ARHGEF10L: variants seen among roughly 807,000 people sequenced by gnomAD.
ARHGEF10L encodes the protein rho guanine nucleotide exchange factor 10-like protein.
In ARHGEF10L, 69 loss-of-function variants were observed where a neutral mutation model predicts 141.2. The observed-to-expected ratio is 0.49, with a 90% CI of 0.40 to 0.60. The LOEUF is 0.60. Ranked by LOEUF, ARHGEF10L falls within the 20% of genes least tolerant of loss-of-function variation. The pLI is 0.00. For missense variants in ARHGEF10L, 1,482 were observed against 1,734.3 expected, an observed-to-expected ratio of 0.85 and a Z score of 2.58; for synonymous variants, 711 against 718.5, an observed-to-expected ratio of 0.99 and a Z score of 0.17.
At chr1:17,589,045 T>C (rs2079307813) in intron 4 of ARHGEF10L, among the ~76,000 whole-genome samples, 1 of 152,108 alleles carries the variant, frequency 6.6e-6, no homozygotes. Context: ...TGGGAGCCTG[T>C]CAGAGGCAGT....
chr1:17,586,509 T>A (rs898689094), intron 2 of ARHGEF10L, among the ~76,000 whole-genome samples: 6 of 151,290 alleles, frequency 4.0e-5, no homozygotes, highest in Admixed American at 6.6e-5. Context: ...GCCCAGAGTT[T>A]AGGAAGGAAG....
rs2061255841 is a variant in ARHGEF10L, at chr1:17,640,300, T to G, written c.2270T>G (p.Leu757Arg). 1 of 1,610,298 alleles carries G rather than the reference T, an allele frequency of 6.2e-7. No homozygotes were observed. Among genetic ancestry groups the G allele is most frequent in the African/African-American group, 1.3e-5 (1 of 74,978 alleles). The change falls in exon 21 of 29, where the codon CTC becomes CGC. Residue 757 changes from leucine to arginine, a missense_variant and splice_region_variant. Coordinates refer to ENST00000361221, the MANE Select transcript of ARHGEF10L (RefSeq NM_018125.4). ...AGGTTACATTTGGCCAAAATCGGAC[T>G]CCGTGAGTATAGCCCCAGGGAGAGT... ...VNRLHLAKIGLREENQPGWLC... is the reference protein window; with the variant it reads ...VNRLHLAKIGRREENQPGWLC...
intron 18 of ARHGEF10L, among the ~76,000 whole-genome samples, chr1:17,635,444 C>T (rs1020274427): frequency 1.3e-5 from 2 of 152,206 alleles, no homozygotes; most frequent in African/African-American, 4.8e-5. Flanking sequence ...GGTGTACCAC[C>T]TGCCTCACTC....
At chr1:17,611,533 T>TATCCATCCATCCATCCATCC (rs56751222) in intron 7 of ARHGEF10L, among the ~76,000 whole-genome samples, 4 of 150,772 alleles carry the variant, frequency 2.7e-5, no homozygotes, top group East Asian at 2.0e-4. Flanking sequence ...TCTGTCTGTA[T>TATCCATCCATCCATCCATCC]ATCCATCCAT....
Position 17,644,904 on chromosome 1 carries a change from G to A in ARHGEF10L, c.2273-3650G>A, listed in dbSNP as rs749479370. ...GTGCTCACAACTCCAGATGGTTGGC[G>A]TTCCTTCCCCCATTTTCTACATGAG... is the stretch of plus-strand genomic sequence containing the variant. On this transcript the variant is annotated intron_variant, in intron 21 of 28. Coordinates refer to ENST00000361221, the MANE Select transcript of ARHGEF10L (RefSeq NM_018125.4). This position sits in a 1 kb window ranked among gnomAD's most constrained non-coding sequence, Gnocchi z 4.5. 1.3e-5 allele frequency among the ~76,000 whole-genome samples: 2 copies of A among 152,172 alleles called. No individual in the cohort carries two copies. The highest frequency in any genetic ancestry group is 2.4e-5 in the African/African-American group (1 of 41,440).
intron 28 of ARHGEF10L, among the ~76,000 whole-genome samples, 182 bp downstream of exon 28, chr1:17,695,462 C>T (rs2065429162): frequency 6.6e-6 from 1 of 152,226 alleles, no homozygotes. Context: ...CCCCAGTCTC[C>T]CACCTTTCTG....
rs568458103 is a variant in ARHGEF10L at position 17,592,315 on chromosome 1, G to A, written c.257+3836G>A. Reference sequence around the variant, plus strand: ...CTGTGACCTCAGCACTTTTCTGTGGGTCAGGGTTTTGGCTCCTGGCCCTGG... The same window carrying A: ...CTGTGACCTCAGCACTTTTCTGTGGATCAGGGTTTTGGCTCCTGGCCCTGG... On this transcript the variant is annotated intron_variant, in intron 4 of 28. Coordinates refer to ENST00000361221, the MANE Select transcript of ARHGEF10L (RefSeq NM_018125.4). Among the ~76,000 whole-genome samples the A allele has an allele frequency of 2.0e-5, 3 of 152,278 alleles. No individual in the cohort carries two copies. The East Asian group carries it at 5.8e-4, about 29-fold the overall frequency.
At chr1:17,687,272 C>G (rs993458883) in intron 26 of ARHGEF10L, among the ~76,000 whole-genome samples, 13 of 152,166 alleles carry the variant, frequency 8.5e-5, no homozygotes, top group Non-Finnish European at 7.3e-5. Context: ...GCTCCTCACT[C>G]GGTGATATCA....
In ARHGEF10L at chr1:17,648,632, C is replaced by A; in HGVS notation, c.2351C>A (p.Ala784Asp). 1 of 1,613,172 alleles carries A rather than the reference C, an allele frequency of 6.2e-7. No individual in the cohort carries two copies. Among genetic ancestry groups the A allele is most frequent in the Non-Finnish European group, 8.5e-7 (1 of 1,180,030 alleles). The part of the protein sequence containing the change: ...SKAPFWCPIL[A>D]CCIPAFSSRA... ...GCCCCATTCTGGTGCCCGATCCTGG[C>A]CTGCTGCATCCCTGCCTTCTCCTCC... Residue 784 changes from alanine (A) to aspartate (D), a missense_variant, in exon 22 of 29, where the codon GCC (alanine) becomes GAC (aspartate). Around this residue, in one of 3 missense-constraint regions of ARHGEF10L, gnomAD observed 858 missense variants for 966.3 expected, o/e 0.89. Transcript: ENST00000361221.
Position 17,635,016 on chromosome 1 carries a change from A to T in ARHGEF10L, c.1927A>T (p.Asn643Tyr). The T allele has an allele frequency of 6.2e-7, 1 of 1,613,942 alleles. No individual in the cohort carries two copies. Among genetic ancestry groups the T allele is most frequent in the South Asian group, 1.1e-5 (1 of 91,074 alleles). The change falls in exon 18 of 29, where the codon AAT (asparagine) becomes TAT (tyrosine). Residue 643 changes from asparagine (N) to tyrosine (Y), a missense_variant and splice_region_variant. Physicochemically the swap from Asn to Tyr is moderately radical, Grantham distance 143. Coordinates refer to ENST00000361221, the MANE Select transcript of ARHGEF10L (RefSeq NM_018125.4). ...GGCCTCTGCCTCAGGGCAGGCTCAG[A>T]GTGAGTACCCCCTCTCTGTGCCCTG... ...KKASASGQAQ[N>Y]KVYLGPPRLF...
At position 17,654,531 on chromosome 1, in the gene ARHGEF10L, G is replaced by T; in HGVS notation, c.2395-105G>T. ...TTGCTTTCCTGGCCCCCACCCACAG[G>T]GATTCTAATCCAGGGAGAGTTGGAT... On this transcript the variant is annotated intron_variant, in intron 22 of 28. Transcript: ENST00000361221. This position sits in a 1 kb window ranked among gnomAD's most constrained non-coding sequence, Gnocchi z 4.3. 3.0e-6 allele frequency: 3 copies of T among 991,654 alleles called. No homozygotes were observed. In the Admixed American group the frequency reaches 5.1e-5, roughly 17 times the overall value. The allele number at this position is 991,654 out of a possible 1,614,324, so 61.4% of individuals were successfully genotyped here. A position where few individuals can be genotyped will look rare whatever the true frequency, so the allele number is the denominator to read the frequency against.
chr1:17,599,699 T>G (rs1460377075), intron 4 of ARHGEF10L, among the ~76,000 whole-genome samples: 1 of 152,076 alleles, frequency 6.6e-6, no homozygotes, highest in Admixed American at 6.5e-5. Context: ...TTCCTGTCAT[T>G]GGTGGAAAGT....
rs539904744 is a variant in ARHGEF10L at position 17,637,770 on chromosome 1, C to T, written c.1928-118C>T. ...CTGCCTGCCTCGGCCTCCCAAAGTG[C>T]TGGGATTACAGGCGTGAGCCACCGC... On this transcript the variant is annotated intron_variant, in intron 18 of 28. Coordinates refer to ENST00000361221, the MANE Select transcript of ARHGEF10L (RefSeq NM_018125.4). 2.0e-5 allele frequency: 17 copies of T among 838,672 alleles called. No homozygotes were observed. In the South Asian group the frequency reaches 2.1e-4, roughly 10 times the overall value. 52.0% of individuals were successfully genotyped at this position (838,672 alleles called of 1,614,324 possible).
At chr1:17,669,709 T>G (rs543613346) in intron 26 of ARHGEF10L, among the ~76,000 whole-genome samples, 89 of 152,328 alleles carry the variant, frequency 5.8e-4, no homozygotes, top group African/African-American at 1.9e-3. Flanking sequence ...GGCCGAGGAC[T>G]GTGTTGTGTT....
chr1:17,614,859 C>G (rs2059722538), intron 8 of ARHGEF10L, among the ~76,000 whole-genome samples: 1 of 152,160 alleles, frequency 6.6e-6, no homozygotes, highest in Non-Finnish European at 1.5e-5. Flanking sequence ...GGTGGCTTTT[C>G]AGCAACCCTT....
intron 7 of ARHGEF10L, among the ~76,000 whole-genome samples, chr1:17,612,679 T>TA (rs1404001121): frequency 2.0e-5 from 3 of 152,198 alleles, no homozygotes; most frequent in Admixed American, 6.5e-5. Context: ...GCTCCTATGT[T>TA]ACAAGCCCTG....
chr1:17,635,081 G>T, intron 18 of ARHGEF10L, 65 bp downstream of exon 18: 1 of 1,590,412 alleles, frequency 6.3e-7, no homozygotes, highest in Non-Finnish European at 8.6e-7. Context: ...AGCCTGGGCT[G>T]CTCCTACCCA....
intron 26 of ARHGEF10L, among the ~76,000 whole-genome samples, chr1:17,669,997 CT>C (rs2063216134): frequency 6.6e-6 from 1 of 152,262 alleles, no homozygotes; most frequent in African/African-American, 2.4e-5. Flanking sequence ...AGACAGTTGT[CT>C]GGAGGCCAGG....
rs557645240 is a variant in ARHGEF10L, at chr1:17,666,834, G to A, written c.3009+2239G>A. ...CCTCCCTTCCCAGCCCCTGGTTCAC[G>A]CTGGGGGCTTCCCTGCTATCACCCC... On this transcript the variant is annotated intron_variant, in intron 26 of 28. Transcript: ENST00000361221. Among the ~76,000 whole-genome samples the A allele has an allele frequency of 6.9e-5, 5 of 72,950 alleles. No homozygotes were observed. In the South Asian group the frequency reaches 1.6e-3, roughly 23 times the overall value. The allele number at this position is 72,950 out of a possible 152,430, so 47.9% of individuals were successfully genotyped here. A position where few individuals can be genotyped will look rare whatever the true frequency, so the allele number is the denominator to read the frequency against.
Sources: gnomAD v4.1 joint callset for allele counts (sites outside exome capture counted in the v4.1 genomes callset) on GRCh38, gnomAD v4.1.1 for gene constraint, gnomAD v4.1.1 regional missense constraint, Gnocchi (gnomAD v3.1) non-coding constraint, MANE v1.5 for transcripts, NCBI Gene and HGNC (gene_info 2026-07-23, HGNC 2026-07-21) for gene names.